The following SERPINF2 variants were observed in gnomAD, a reference collection of about 807,000 sequenced individuals.
The protein encoded by SERPINF2 is serpin family F member 2, also known as alpha-2-antiplasmin.
Under a neutral mutation model 45.0 loss-of-function variants are expected in SERPINF2, and 15 were observed. That is an observed-to-expected ratio of 0.33 (90% CI 0.22 to 0.51). The LOEUF is 0.51. SERPINF2 is among the 20% of genes least tolerant of loss of function. SERPINF2 has a pLI of 0.97. For synonymous variants in SERPINF2, 283 were observed against 277.9 expected, an observed-to-expected ratio of 1.02 and a Z score of -0.18; for missense variants, 518 against 637.4, an observed-to-expected ratio of 0.81 and a Z score of 2.02.
chr17:1,748,521 C>G, intron 7 of SERPINF2, 77 bp from the exon 8 acceptor site: 1 of 1,578,628 alleles, frequency 6.3e-7, no homozygotes, highest in Non-Finnish European at 8.6e-7. Flanking sequence ...CCAAGCTGGT[C>G]CCCATCGACG....
rs191703810 is a variant in SERPINF2, at chr17:1,745,283, G to T, written c.103-50G>T. On this transcript the variant is annotated intron_variant, in intron 3 of 9. Coordinates refer to ENST00000453066, the MANE Select transcript of SERPINF2 (RefSeq NM_000934.4). This position sits in a 1 kb window ranked among gnomAD's most constrained non-coding sequence, Gnocchi z 6.2. ...GTCTCACTGGTGGCTTGGGCAGGGT[G>T]GGGGGCCTGTGGGAAGGGTCGGTCT... 4.3e-5 allele frequency: 69 copies of T among 1,609,376 alleles called. No homozygotes were observed. The East Asian group carries it at 1.2e-3, about 28-fold the overall frequency.
chr17:1,750,053 A>G (rs1906231497), intron 8 of SERPINF2, among the ~76,000 whole-genome samples: 3 of 151,388 alleles, frequency 2.0e-5, no homozygotes, highest in Non-Finnish European at 4.4e-5. Context: ...GGCTCACTGC[A>G]GCCTCTGCCT....
intron 8 of SERPINF2, among the ~76,000 whole-genome samples, chr17:1,750,839 G>C (rs1437201991): frequency 6.6e-6 from 1 of 152,118 alleles, no homozygotes; most frequent in Non-Finnish European, 1.5e-5. Context: ...ACGCGTCCTG[G>C]CTTCCCTGCA....
At chr17:1,752,377 G>A (rs1906474574) in intron 8 of SERPINF2, among the ~76,000 whole-genome samples, 1 of 152,090 alleles carries the variant, frequency 6.6e-6, no homozygotes, top group Non-Finnish European at 1.5e-5. Flanking sequence ...AACTTTAAAA[G>A]CATCTCATTC....
chr17:1,744,696 G>A, intron 1 of SERPINF2: 1 of 985,412 alleles, frequency 1.0e-6, no homozygotes, highest in Non-Finnish European at 1.2e-6. Context: ...CTTGTAGAAT[G>A]AGAACGTTTT....
intron 7 of SERPINF2, among the ~76,000 whole-genome samples, chr17:1,748,181 G>T (rs1453482597): frequency 1.3e-5 from 2 of 151,830 alleles, no homozygotes; most frequent in Non-Finnish European, 2.9e-5. Context: ...GGCACCTGTA[G>T]TCCCAGCTAC....
Position 1,745,328 on chromosome 17 carries a change from C to T in SERPINF2, c.103-5C>T, listed in dbSNP as rs201339551. ...CGGTCTCCATCTGCTTGCTCCTTTC[C>T]GCAGCTAACTAGCGGGCCGAACCAG... On this transcript the variant is annotated splice_region_variant and splice_polypyrimidine_tract_variant and intron_variant, in intron 3 of 9. Transcript: ENST00000453066. The surrounding 1 kb of genome is among the most constrained non-coding windows in gnomAD (Gnocchi z 6.2). 345 of 1,613,238 alleles carry T rather than the reference C, an allele frequency of 2.1e-4. 1 individual carries two copies. Among genetic ancestry groups the T allele is most frequent in the Middle Eastern group, 1.2e-3 (7 of 6,040 alleles).
rs746490905 is a variant in SERPINF2, at chr17:1,745,711, C to G, written c.169C>G (p.Pro57Ala). The change falls in exon 5 of 10, where the codon CCT becomes GCT. Residue 57 changes from proline to alanine, a missense_variant. Pro to Ala is a conservative substitution (Grantham distance 27). Around this residue, in one of 2 missense-constraint regions of SERPINF2, gnomAD observed 435 missense variants for 577.3 expected, o/e 0.75. Transcript: ENST00000453066. This position sits in a 1 kb window ranked among gnomAD's most constrained non-coding sequence, Gnocchi z 6.2. ...GACCCCTGATCTGTCCCTGCAGGAG[C>G]CTGGTGGCCAGACTGCCCTGAAGAG... ...LTLLKLGNQEPGGQTALKSPP... is the reference protein window; with the variant it reads ...LTLLKLGNQEAGGQTALKSPP... 2 of 1,613,388 alleles carry G rather than the reference C, an allele frequency of 1.2e-6. No homozygotes were observed. Among genetic ancestry groups the G allele is most frequent in the Non-Finnish European group, 1.7e-6 (2 of 1,179,978 alleles).
In SERPINF2 at chr17:1,745,313, C is replaced by T. The variant is rs748561939; in HGVS notation, c.103-20C>T. ...GCCTGTGGGAAGGGTCGGTCTCCAT[C>T]TGCTTGCTCCTTTCCGCAGCTAACT... On this transcript the variant is annotated intron_variant, in intron 3 of 9. Transcript: ENST00000453066. This position sits in a 1 kb window ranked among gnomAD's most constrained non-coding sequence, Gnocchi z 6.2. 1.2e-6 allele frequency: 2 copies of T among 1,613,140 alleles called. No homozygotes were observed. The highest frequency in any genetic ancestry group is 1.7e-5 in the Admixed American group (1 of 59,976).
Position 1,747,359 on chromosome 17 carries a change from G to A in SERPINF2, c.562G>A (p.Ala188Thr). The change falls in exon 7 of 10, where the codon GCA becomes ACA. Residue 188 changes from alanine to threonine, a missense_variant. Transcript: ENST00000453066. ...GGAACAATCCGAACAGCTATTTGGG[G>A]CAAAGCCCGTGAGCCTGACGGGAAA... ...FLEQSEQLFG[A>T]KPVSLTGKQE... 1 of 1,614,108 alleles carries A rather than the reference G, an allele frequency of 6.2e-7. No individual in the cohort carries two copies. Among genetic ancestry groups the A allele is most frequent in the African/African-American group, 1.3e-5 (1 of 75,060 alleles).
At position 1,748,698 on chromosome 17, in the gene SERPINF2, G is replaced by A. The variant is rs571655769; in HGVS notation, c.816G>A (p.Thr272=). 2.5e-5 allele frequency: 39 copies of A among 1,568,236 alleles called. No individual in the cohort carries two copies. Among genetic ancestry groups the A allele is most frequent in the African/African-American group, 1.3e-4 (10 of 74,146 alleles). The change falls in exon 8 of 10, where the codon ACG becomes ACA. Residue 272 remains threonine (T), a synonymous_variant. Coordinates refer to ENST00000453066, the MANE Select transcript of SERPINF2 (RefSeq NM_000934.4). ...TVPVEMMQAR[T]YPLRWFLLEQ... ...CCGTGGAAATGATGCAGGCCCGCACGTACCCGCTGCGCTGGTTCTTGCTGG... is the reference window on the plus strand; with the variant it reads ...CCGTGGAAATGATGCAGGCCCGCACATACCCGCTGCGCTGGTTCTTGCTGG...
At chr17:1,748,533 G>A (rs941415883) in intron 7 of SERPINF2, 65 bp from the exon 8 acceptor site, 1 of 1,598,106 alleles carries the variant, frequency 6.3e-7, no homozygotes, top group Non-Finnish European at 8.5e-7. Flanking sequence ...CCATCGACGT[G>A]ACCCCTGCCC....
At position 1,745,998 on chromosome 17, in the gene SERPINF2, A is replaced by T; in HGVS notation, c.367+89A>T. 7.2e-7 allele frequency: 1 copy of T among 1,394,076 alleles called. No individual in the cohort carries two copies. Among genetic ancestry groups the T allele is most frequent in the Non-Finnish European group, 1.0e-6 (1 of 982,290 alleles). 86.4% of individuals were successfully genotyped at this position (1,394,076 alleles called of 1,614,324 possible). On this transcript the variant is annotated intron_variant, in intron 5 of 9. Coordinates refer to ENST00000453066, the MANE Select transcript of SERPINF2 (RefSeq NM_000934.4). This position sits in a 1 kb window ranked among gnomAD's most constrained non-coding sequence, Gnocchi z 6.2. ...ATGGTTCTCCGCGGGCGGTTCCTCCACCAGGGTCACGTGGCTGTTTGGTAA... is the reference window on the plus strand; with the variant it reads ...ATGGTTCTCCGCGGGCGGTTCCTCCTCCAGGGTCACGTGGCTGTTTGGTAA...
At chr17:1,752,144 C>T (rs1045310508) in intron 8 of SERPINF2, among the ~76,000 whole-genome samples, 1 of 150,628 alleles carries the variant, frequency 6.6e-6, no homozygotes, top group African/African-American at 2.4e-5. Flanking sequence ...CTCTGCCTCC[C>T]GGGTTCAAGC....
At position 1,743,204 on chromosome 17, in the gene SERPINF2, A is replaced by T. The variant is rs545839566; in HGVS notation, c.-5+296A>T. On this transcript the variant is annotated intron_variant, in intron 1 of 9. Transcript: ENST00000453066. ...CTGGAGGTAGCTGAGACCTGCTCTG[A>T]CTTATCCTCCTGAGACCAACACCTG... The T allele has an allele frequency of 1.6e-4, 109 of 682,022 alleles. No individual in the cohort carries two copies. The South Asian group carries it at 6.9e-3, about 43-fold the overall frequency. The allele number at this position is 682,022 out of a possible 1,614,324, so 42.2% of individuals were successfully genotyped here.
chr17:1,744,870 C>G (rs996877956), intron 1 of SERPINF2, 122 bp from the exon 2 acceptor site: 9 of 1,565,490 alleles, frequency 5.7e-6, no homozygotes, highest in Non-Finnish European at 7.8e-6. Context: ...GATTCTGGAG[C>G]CTGCTTCTTC....
In SERPINF2 at chr17:1,745,821, G is replaced by A; in HGVS notation, c.279G>A (p.Leu93=). Residue 93 remains leucine (L), a synonymous_variant, in exon 5 of 10, where the codon CTG becomes CTA. Transcript: ENST00000453066. This position sits in a 1 kb window ranked among gnomAD's most constrained non-coding sequence, Gnocchi z 6.2. ...CCATGATGGCCTTCACTGCCGACCT[G>A]TTCTCCCTGGTGGCTCAAACGTCCA... ...ARAMMAFTAD[L]FSLVAQTSTC... is the part of the protein sequence containing the mutation. 1.9e-6 allele frequency: 3 copies of A among 1,614,016 alleles called. No individual in the cohort carries two copies. The highest frequency in any genetic ancestry group is 2.2e-5 in the East Asian group (1 of 44,880).
intron 6 of SERPINF2, 64 bp downstream of exon 6, chr17:1,747,226 G>T (rs1905917921): frequency 1.2e-6 from 2 of 1,610,724 alleles, no homozygotes; most frequent in Non-Finnish European, 1.7e-6. Context: ...GAGAGCAAGG[G>T]GCTGGGCCTC....
intron 1 of SERPINF2, among the ~76,000 whole-genome samples, chr17:1,744,164 G>C (rs963298158): frequency 2.6e-5 from 4 of 151,218 alleles, no homozygotes; most frequent in African/African-American, 9.7e-5. Context: ...CCAAAGTGCT[G>C]GGATTACAGG....
Sources: allele counts gnomAD v4.1 joint callset (sites outside exome capture counted in the v4.1 genomes callset), GRCh38; gene constraint gnomAD v4.1.1; regional missense constraint gnomAD v4.1.1; non-coding constraint Gnocchi (gnomAD v3.1); transcripts MANE v1.5; gene names NCBI Gene and HGNC (gene_info 2026-07-23, HGNC 2026-07-21).